Variants in DDO observed in about 807,000 individuals in gnomAD.
DDO encodes D-aspartate oxidase.
In DDO, 16 loss-of-function variants were observed where a neutral mutation model predicts 16.8. The observed-to-expected ratio is 0.95, with a 90% CI of 0.65 to 1.45. The LOEUF is 1.45. DDO is among the 40% of genes most tolerant of loss of function. The pLI is 0.00. For synonymous variants in DDO, 180 were observed against 167.2 expected, an observed-to-expected ratio of 1.08 and a Z score of -0.59; for missense variants, 429 against 420.3, an observed-to-expected ratio of 1.02 and a Z score of -0.18.
intron 4 of DDO, among the ~76,000 whole-genome samples, chr6:110,398,383 TAC>T (rs372325600): frequency 0.068 from 7,440 of 110,048 alleles, 187 homozygotes; most frequent in South Asian, 0.094. Flanking sequence ...CTTAAATGCG[TAC>T]ACACACACAC....
rs527283356 is a variant in DDO, at chr6:110,405,642, G to C, written c.282-692C>G. On this transcript the variant is annotated intron_variant, in intron 3 of 4. Coordinates refer to ENST00000368924, the MANE Select transcript of DDO (RefSeq NM_001372108.2). ...TAAATGAATAAATGTTATAATGCCA[G>C]GCATGGTGGCTCACACCTATCTATG... Among the ~76,000 whole-genome samples, 56 of 152,294 alleles carry C rather than the reference G, an allele frequency of 3.7e-4. No individual in the cohort carries two copies. In the South Asian group the frequency reaches 4.6e-3, roughly 12 times the overall value.
chr6:110,409,107 G>T (rs1169059565), intron 2 of DDO, among the ~76,000 whole-genome samples: 1 of 152,214 alleles, frequency 6.6e-6, no homozygotes, highest in Non-Finnish European at 1.5e-5. Flanking sequence ...GCCAGCAGGG[G>T]CGTGCAGGGA....
At chr6:110,414,105 G>A (rs1773960416) in intron 1 of DDO, among the ~76,000 whole-genome samples, 1 of 152,254 alleles carries the variant, frequency 6.6e-6, no homozygotes, top group East Asian at 1.9e-4. Context: ...TTCCCTATGG[G>A]CACAACCTAG....
Position 110,404,964 on chromosome 6 carries a change from A to G in DDO, c.282-14T>C. ...AATATCTGCCAACTCAAACGTATTA[A>G]GTGAACATTTTTTCCTGAAATTTGT... On this transcript the variant is annotated splice_polypyrimidine_tract_variant and intron_variant, in intron 3 of 4. Transcript: ENST00000368924. 1 of 1,609,686 alleles carries G rather than the reference A, an allele frequency of 6.2e-7. No individual in the cohort carries two copies.
Position 110,392,690 on chromosome 6 carries a change from C to T in DDO, c.*85G>A. ...GAAAACAAAGAAATGTCTAATTAAA[C>T]TTTCATGCAGTGGAAAAGTTATTTG... On this transcript the variant is annotated 3_prime_UTR_variant, in exon 5 of 5. Transcript: ENST00000368924. 1.4e-6 allele frequency: 2 copies of T among 1,435,862 alleles called. No individual in the cohort carries two copies. The highest frequency in any genetic ancestry group is 9.1e-7 in the Non-Finnish European group (1 of 1,098,266). 88.9% of individuals were successfully genotyped at this position (1,435,862 alleles called of 1,614,324 possible). A position where few individuals can be genotyped will look rare whatever the true frequency, so the allele number is the denominator to read the frequency against.
intron 4 of DDO, among the ~76,000 whole-genome samples, chr6:110,403,311 C>T (rs1472644023): frequency 6.6e-6 from 1 of 151,288 alleles, no homozygotes; most frequent in Non-Finnish European, 1.5e-5. Context: ...TATATGATGC[C>T]TCAATTCCTT....
Position 110,392,990 on chromosome 6 carries a change from T to C in DDO, c.811A>G (p.Ile271Val). The change falls in exon 5 of 5, where the codon ATC (isoleucine) becomes GTC (valine). Residue 271 changes from isoleucine to valine, a missense_variant. Coordinates refer to ENST00000368924, the MANE Select transcript of DDO (RefSeq NM_001372108.2). ...GGCCTCAAGCCCACCTTCTCCCTGA[T>C]GTTGCAGGCTCCGTGGAGGGAGGGC... The part of the protein sequence containing the change: ...LEPSLHGACN[I>V]REKVGLRPYR... The C allele has an allele frequency of 6.2e-7, 1 of 1,612,006 alleles. No individual in the cohort carries two copies. Among genetic ancestry groups the C allele is most frequent in the Non-Finnish European group, 8.5e-7 (1 of 1,178,154 alleles).
At chr6:110,410,139 A>G (rs776817107) in intron 2 of DDO, among the ~76,000 whole-genome samples, 3 of 152,268 alleles carry the variant, frequency 2.0e-5, no homozygotes, top group African/African-American at 4.8e-5. Context: ...ACTGGGGCTC[A>G]TCTGAATAGT....
downstream of DDO, among the ~76,000 whole-genome samples, chr6:110,391,443 G>A (rs985597454): frequency 1.1e-4 from 16 of 145,296 alleles, no homozygotes; most frequent in Admixed American, 5.6e-4. Flanking sequence ...TCCGTCTCCC[G>A]GGTTCAAGTA....
intron 4 of DDO, among the ~76,000 whole-genome samples, chr6:110,396,018 G>T (rs965594428): frequency 6.6e-6 from 1 of 152,170 alleles, no homozygotes; most frequent in Non-Finnish European, 1.5e-5. Flanking sequence ...GACAGAGCAA[G>T]ACACCAACTC....
At chr6:110,400,209 G>T (rs1773433576) in intron 4 of DDO, among the ~76,000 whole-genome samples, 1 of 152,266 alleles carries the variant, frequency 6.6e-6, no homozygotes, top group Non-Finnish European at 1.5e-5. Flanking sequence ...TCTTCTAGAA[G>T]GCGATGCTTT....
chr6:110,393,192 G>A lies in DDO; in HGVS notation c.609C>T (p.Val203=). The part of the protein sequence containing the change: ...DSKIFPVRGQ[V]LQVQAPWVEH... ...CCACCCAGGGAGCCTGAACTTGGAG[G>A]ACTTGGCCCCTTACAGGGAAAATCT... The change falls in exon 5 of 5, where the codon GTC becomes GTT. Residue 203 remains valine (V), a synonymous_variant. Coordinates refer to ENST00000368924, the MANE Select transcript of DDO (RefSeq NM_001372108.2). 1 of 1,614,254 alleles carries A rather than the reference G, an allele frequency of 6.2e-7. No homozygotes were observed. The highest frequency in any genetic ancestry group is 8.5e-7 in the Non-Finnish European group (1 of 1,180,044).
At chr6:110,414,358 C>A (rs1215874317) in intron 1 of DDO, among the ~76,000 whole-genome samples, 1 of 152,266 alleles carries the variant, frequency 6.6e-6, no homozygotes, top group African/African-American at 2.4e-5. Flanking sequence ...AGTCCGTGGT[C>A]TCCTAGCCTC....
At chr6:110,406,006 G>A (rs932433564) in intron 3 of DDO, among the ~76,000 whole-genome samples, 2 of 152,164 alleles carry the variant, frequency 1.3e-5, no homozygotes, top group African/African-American at 2.4e-5. Flanking sequence ...GTATCTCTAG[G>A]TAATTGATTC....
chr6:110,403,729 T>A (rs898503950), intron 4 of DDO, among the ~76,000 whole-genome samples: 1 of 152,232 alleles, frequency 6.6e-6, no homozygotes, highest in African/African-American at 2.4e-5. Context: ...CTAACCTGCA[T>A]AAGTCTGTAC....
Position 110,413,327 on chromosome 6 carries a change from C to T in DDO, c.136G>A (p.Val46Met), listed in dbSNP as rs375849203. The change falls in exon 2 of 5, where the codon GTG becomes ATG. Residue 46 changes from valine to methionine, a missense_variant. By Grantham distance (21) the Val-to-Met change is conservative. Transcript: ENST00000368924. Reference protein sequence around the residue: ...DKFTPDTTSDVAAGMLIPHTY... With the variant: ...DKFTPDTTSDMAAGMLIPHTY... ...TGAGGAATAAGCATTCCGGCTGCCA[C>T]ATCACTGGTGGTATCTGGAGTAAAC... 3.0e-5 allele frequency: 49 copies of T among 1,614,070 alleles called. No individual in the cohort carries two copies. The highest frequency in any genetic ancestry group is 4.1e-5 in the Non-Finnish European group (48 of 1,180,044).
At chr6:110,398,423 CACACTT>C (rs1773364718) in intron 4 of DDO, among the ~76,000 whole-genome samples, 1 of 139,732 alleles carries the variant, frequency 7.2e-6, no homozygotes, top group East Asian at 2.0e-4. Flanking sequence ...CACACACACA[CACACTT>C]GGCCTCCCAG....
chr6:110,398,906 G>A (rs558683687), intron 4 of DDO, among the ~76,000 whole-genome samples: 6 of 152,174 alleles, frequency 3.9e-5, no homozygotes, highest in Admixed American at 2.0e-4. Context: ...AGAGATCAAC[G>A]TGTCCATGTT....
chr6:110,403,477 T>C (rs1773549312), intron 4 of DDO, among the ~76,000 whole-genome samples: 1 of 152,200 alleles, frequency 6.6e-6, no homozygotes, highest in Non-Finnish European at 1.5e-5. Context: ...TAGCTCAAAA[T>C]ATACGTTTAT....
Sources: gnomAD v4.1 joint callset for allele counts (sites outside exome capture counted in the v4.1 genomes callset) on GRCh38, gnomAD v4.1.1 for gene constraint, MANE v1.5 for transcripts, NCBI Gene and HGNC (gene_info 2026-07-23, HGNC 2026-07-21) for gene names.